The following EDIL3 variants were observed in gnomAD, a reference collection of about 807,000 sequenced individuals.
EDIL3 encodes the protein EGF-like repeat and discoidin I-like domain-containing protein 3.
Under a neutral mutation model 67.4 loss-of-function variants are expected in EDIL3, and 37 were observed. That is an observed-to-expected ratio of 0.55 (90% CI 0.42 to 0.72). The LOEUF (loss-of-function observed/expected upper bound fraction) is 0.72, where lower values mean the gene tolerates loss of function less well. EDIL3 is among the 30% of genes least tolerant of loss of function. EDIL3 has a pLI of 0.00. For missense variants in EDIL3, 527 were observed against 586.3 expected, an observed-to-expected ratio of 0.90 and a Z score of 1.04; for synonymous variants, 195 against 196.3, an observed-to-expected ratio of 0.99 and a Z score of 0.05.
chr5:84,170,482 A>C lies in EDIL3; in HGVS notation c.355+9911T>G, dbSNP rs115357597. ...TATCACTATGTTCAAGGTCAGAACA[A>C]CAGCAGTGGTATTCTGAAAAATAGT... is the stretch of plus-strand genomic sequence containing the variant. On this transcript the variant is annotated intron_variant, in intron 4 of 10. Transcript: ENST00000296591. Among the ~76,000 whole-genome samples the C allele has an allele frequency of 2.9e-3, 441 of 152,346 alleles. 4 individuals carry two copies. Among genetic ancestry groups the C allele is most frequent in the African/African-American group, 9.5e-3 (397 of 41,586 alleles).
intron 3 of EDIL3, among the ~76,000 whole-genome samples, chr5:84,226,464 C>A (rs1348161901): frequency 1.3e-5 from 2 of 151,622 alleles, no homozygotes; most frequent in Admixed American, 1.3e-4. Context: ...GCAAGAGATA[C>A]TAAAATGAAC....
chr5:84,320,783 A>C (rs191936639), intron 1 of EDIL3, among the ~76,000 whole-genome samples: 1 of 149,766 alleles, frequency 6.7e-6, no homozygotes, highest in Admixed American at 6.7e-5. Context: ...TAAAACAAAC[A>C]AACAAAGGGC....
rs141111656 is a variant in EDIL3, at chr5:84,215,978, A to G, written c.226+13877T>C. 1.1e-4 allele frequency among the ~76,000 whole-genome samples: 16 copies of G among 152,346 alleles called. No homozygotes were observed. The East Asian group carries it at 2.9e-3, about 28-fold the overall frequency. On this transcript the variant is annotated intron_variant, in intron 3 of 10. Transcript: ENST00000296591. ...TGGGCACTCACAGCCTTGTAAAAGA[A>G]TTAGGCTGCCGGCTCTTTTGAGAAG...
intron 9 of EDIL3, 56 bp downstream of exon 9, chr5:84,060,244 G>A (rs1561418544): frequency 1.3e-6 from 2 of 1,584,142 alleles, no homozygotes; most frequent in South Asian, 2.3e-5. Context: ...TAATCAACAG[G>A]AAATCTTCTA....
At chr5:84,293,341 T>G (rs546275985) in intron 1 of EDIL3, among the ~76,000 whole-genome samples, 1 of 152,154 alleles carries the variant, frequency 6.6e-6, no homozygotes, top group Non-Finnish European at 1.5e-5. Flanking sequence ...AATTTTAAAG[T>G]TGGGTAACGT....
intron 1 of EDIL3, among the ~76,000 whole-genome samples, chr5:84,356,713 A>AT (rs1454085002): frequency 6.6e-6 from 1 of 151,976 alleles, no homozygotes; most frequent in African/African-American, 2.4e-5. Context: ...TTGCAGGACC[A>AT]TTTTTCTGCC....
chr5:84,238,329 G>C (rs1170967820), intron 2 of EDIL3, among the ~76,000 whole-genome samples: 2 of 151,682 alleles, frequency 1.3e-5, no homozygotes, highest in Admixed American at 6.6e-5. Context: ...GAAATGATGT[G>C]TTCCCAAAAT....
chr5:84,062,706 T>G (rs755395524), intron 8 of EDIL3, among the ~76,000 whole-genome samples: 1 of 152,102 alleles, frequency 6.6e-6, no homozygotes, highest in Non-Finnish European at 1.5e-5. Context: ...GGTGAAAGAT[T>G]TTAATAGCAA....
intron 9 of EDIL3, among the ~76,000 whole-genome samples, chr5:83,968,746 T>A (rs1744739073): frequency 6.6e-6 from 1 of 152,020 alleles, no homozygotes; most frequent in Admixed American, 6.6e-5. Flanking sequence ...CTACAACTTA[T>A]GATTGTTGTC....
At chr5:84,180,103 C>G (rs147583038) in intron 4 of EDIL3, among the ~76,000 whole-genome samples, 4 of 151,376 alleles carry the variant, frequency 2.6e-5, no homozygotes, top group Admixed American at 6.6e-5. Context: ...ATGAAAGAGA[C>G]AGATATCAGT....
At chr5:84,012,639 C>T (rs1258640164) in intron 9 of EDIL3, among the ~76,000 whole-genome samples, 1 of 152,126 alleles carries the variant, frequency 6.6e-6, no homozygotes, top group Non-Finnish European at 1.5e-5. Flanking sequence ...GTAAATTACT[C>T]AGTAAAGTTT....
At chr5:84,323,811 T>A (rs1044623623) in intron 1 of EDIL3, among the ~76,000 whole-genome samples, 1 of 151,808 alleles carries the variant, frequency 6.6e-6, no homozygotes, top group African/African-American at 2.4e-5. Flanking sequence ...AAAAAGGGCA[T>A]AAGAGCCAAA....
chr5:84,299,848 T>C (rs1361347402), intron 1 of EDIL3, among the ~76,000 whole-genome samples: 1 of 152,226 alleles, frequency 6.6e-6, no homozygotes, highest in Non-Finnish European at 1.5e-5. Context: ...ACCAATATTT[T>C]TGTTTGCCTG....
At position 84,086,109 on chromosome 5, in the gene EDIL3, G is replaced by T. The variant is rs1395950165; in HGVS notation, c.652-19503C>A. Among the ~76,000 whole-genome samples, 3 of 152,298 alleles carry T rather than the reference G, an allele frequency of 2.0e-5. No individual in the cohort carries two copies. The South Asian group carries it at 6.2e-4, about 32-fold the overall frequency. ...AGCTTGTTGGGCTCCATGGGAGTGG[G>T]ACCTGCTGAGTGAGACCACTTGGCT... On this transcript the variant is annotated intron_variant, in intron 6 of 10. Coordinates refer to ENST00000296591, the MANE Select transcript of EDIL3 (RefSeq NM_005711.5).
chr5:84,370,314 C>A (rs377751102), intron 1 of EDIL3, among the ~76,000 whole-genome samples: 5 of 152,304 alleles, frequency 3.3e-5, no homozygotes, highest in African/African-American at 1.2e-4. Context: ...AGGTTCTCAG[C>A]TCCTCGGCAG....
intron 9 of EDIL3, among the ~76,000 whole-genome samples, chr5:83,982,410 A>G (rs190186769): frequency 1.1e-4 from 17 of 152,158 alleles, no homozygotes; most frequent in Middle Eastern, 3.4e-3. Flanking sequence ...GCCTCTTTCT[A>G]TTTCCTCAAT....
At chr5:83,964,723 C>T (rs1010485115) in intron 9 of EDIL3, among the ~76,000 whole-genome samples, 1 of 151,986 alleles carries the variant, frequency 6.6e-6, no homozygotes, top group African/African-American at 2.4e-5. Flanking sequence ...TGTGTTAAAG[C>T]CTTTAGACTC....
At chr5:84,036,076 T>C (rs1746017658) in intron 9 of EDIL3, among the ~76,000 whole-genome samples, 1 of 152,198 alleles carries the variant, frequency 6.6e-6, no homozygotes, top group Non-Finnish European at 1.5e-5. Context: ...TCTCATAGGA[T>C]AGTGTAACAA....
intron 2 of EDIL3, among the ~76,000 whole-genome samples, chr5:84,231,378 A>C (rs1213924370): frequency 6.6e-6 from 1 of 152,230 alleles, no homozygotes; most frequent in African/African-American, 2.4e-5. Flanking sequence ...TCTGTACAGA[A>C]CTGCAGTTTA....
Sources: allele counts gnomAD v4.1 joint callset (sites outside exome capture counted in the v4.1 genomes callset), GRCh38; gene constraint gnomAD v4.1.1; transcripts MANE v1.5; gene names NCBI Gene and HGNC (gene_info 2026-07-23, HGNC 2026-07-21).